The following GAP43 variants were observed in gnomAD, a reference collection of about 807,000 sequenced individuals.
GAP43 encodes the protein growth associated protein 43, also known as neuromodulin.
Under a neutral mutation model 18.6 loss-of-function variants are expected in GAP43, and 6 were observed. The observed-to-expected ratio is 0.32, with a 90% CI of 0.18 to 0.64. GAP43 has a LOEUF of 0.64. Ranked by LOEUF, GAP43 falls within the 30% of genes least tolerant of loss-of-function variation. The pLI is 0.78. For missense variants in GAP43, 292 were observed against 295.5 expected, an observed-to-expected ratio of 0.99 and a Z score of 0.09; for synonymous variants, 115 against 111.4, an observed-to-expected ratio of 1.03 and a Z score of -0.20.
chr3:115,679,507 C>T (rs749216448), intron 2 of GAP43, among the ~76,000 whole-genome samples: 2 of 152,126 alleles, frequency 1.3e-5, no homozygotes, highest in Admixed American at 1.3e-4. Flanking sequence ...AACATTTCAG[C>T]GCACCTCTGA....
At chr3:115,655,335 C>A (rs2107477514) in intron 1 of GAP43, among the ~76,000 whole-genome samples, 1 of 152,288 alleles carries the variant, frequency 6.6e-6, no homozygotes, top group South Asian at 2.1e-4. Context: ...TAGATGAAAT[C>A]CTTTCTGCTA....
chr3:115,646,571 G>C (rs1708459914), intron 1 of GAP43, among the ~76,000 whole-genome samples: 1 of 152,046 alleles, frequency 6.6e-6, no homozygotes, highest in Non-Finnish European at 1.5e-5. Flanking sequence ...AAGAGAAAAA[G>C]AGAGAGAACT....
chr3:115,667,098 G>T (rs752911896), intron 1 of GAP43, among the ~76,000 whole-genome samples: 2 of 152,054 alleles, frequency 1.3e-5, no homozygotes, highest in Non-Finnish European at 2.9e-5. Flanking sequence ...ACACAGTATG[G>T]CATGTGGTCA....
chr3:115,676,286 G>A lies in GAP43; in HGVS notation c.304G>A (p.Gly102Ser), dbSNP rs538165830. 1.5e-5 allele frequency: 25 copies of A among 1,614,124 alleles called. No homozygotes were observed. Among genetic ancestry groups the A allele is most frequent in the Middle Eastern group, 3.3e-4 (2 of 6,060 alleles). Reference sequence around the variant, plus strand: ...CACTGGCTCCAAGCCTGATGAGCCCGGCAAAGCAGGAGAAACTCCTTCCGA... The same window carrying A: ...CACTGGCTCCAAGCCTGATGAGCCCAGCAAAGCAGGAGAAACTCCTTCCGA... ...PATGSKPDEPGKAGETPSEEK... is the reference protein window; with the variant it reads ...PATGSKPDEPSKAGETPSEEK... The change falls in exon 2 of 3, where the codon GGC (glycine) becomes AGC (serine). Residue 102 changes from glycine (G) to serine (S), a missense_variant. Transcript: ENST00000305124.
At chr3:115,697,846 T>G (rs892961798) in intron 2 of GAP43, among the ~76,000 whole-genome samples, 6 of 150,784 alleles carry the variant, frequency 4.0e-5, no homozygotes, top group Non-Finnish European at 7.4e-5. Context: ...TAACTCAGCA[T>G]TTAGCTATTA....
intron 2 of GAP43, among the ~76,000 whole-genome samples, chr3:115,698,180 A>AT (rs1445523929): frequency 7.4e-3 from 267 of 35,960 alleles, no homozygotes; most frequent in Non-Finnish European, 0.011. Context: ...ATTAAATAAT[A>AT]TATATATTAA....
intron 1 of GAP43, among the ~76,000 whole-genome samples, chr3:115,652,564 T>G (rs1034331764): frequency 4.6e-5 from 7 of 151,776 alleles, no homozygotes; most frequent in African/African-American, 1.7e-4. Context: ...TTTAAAAACT[T>G]TTTTGTAGAG....
intron 1 of GAP43, among the ~76,000 whole-genome samples, chr3:115,653,112 CAG>C (rs1708541710): frequency 6.6e-6 from 1 of 152,172 alleles, no homozygotes; most frequent in African/African-American, 2.4e-5. Flanking sequence ...ATACTGACAA[CAG>C]GGCATATAAA....
intron 1 of GAP43, among the ~76,000 whole-genome samples, chr3:115,650,132 G>A (rs1489917737): frequency 6.6e-6 from 1 of 152,104 alleles, no homozygotes; most frequent in Non-Finnish European, 1.5e-5. Context: ...CCTTGTTGGA[G>A]GTGGATCCAT....
chr3:115,654,743 A>T (rs145013108), intron 1 of GAP43, among the ~76,000 whole-genome samples: 1 of 152,218 alleles, frequency 6.6e-6, no homozygotes, highest in Middle Eastern at 3.2e-3. Context: ...TATAAACAGC[A>T]TCATGATAAT....
At chr3:115,717,913 G>T (rs1186020459) in intron 2 of GAP43, among the ~76,000 whole-genome samples, 1 of 152,120 alleles carries the variant, frequency 6.6e-6, no homozygotes, top group African/African-American at 2.4e-5. Flanking sequence ...AGAGAAAGTG[G>T]GAGAATTTGG....
chr3:115,670,907 A>G, intron 1 of GAP43, among the ~76,000 whole-genome samples: 1 of 152,238 alleles, frequency 6.6e-6, no homozygotes, highest in Non-Finnish European at 1.5e-5. Flanking sequence ...TGGTTTACTA[A>G]AGATGTTCTC....
At chr3:115,663,433 C>A in intron 1 of GAP43, 1 of 657,150 alleles carries the variant, frequency 1.5e-6, no homozygotes, top group Non-Finnish European at 1.9e-6. Flanking sequence ...TATTAAATAG[C>A]CATAGTTCCT....
At chr3:115,687,839 AC>A (rs1709054179) in intron 2 of GAP43, among the ~76,000 whole-genome samples, 1 of 152,196 alleles carries the variant, frequency 6.6e-6, no homozygotes, top group Non-Finnish European at 1.5e-5. Flanking sequence ...TTAAAACTCA[AC>A]ATAATTCAAA....
intron 2 of GAP43, among the ~76,000 whole-genome samples, chr3:115,705,583 T>C (rs1029698153): frequency 2.0e-5 from 3 of 152,154 alleles, no homozygotes; most frequent in Admixed American, 6.6e-5. Context: ...TTAGATGAGA[T>C]CTAGGGTGAC....
At chr3:115,664,025 G>T in intron 1 of GAP43, 2 of 1,014,588 alleles carry the variant, frequency 2.0e-6, no homozygotes, top group Non-Finnish European at 2.9e-6. Context: ...CTTAACTAAT[G>T]TCCTTCTACT....
chr3:115,684,095 A>G (rs1709002017), intron 2 of GAP43, among the ~76,000 whole-genome samples: 1 of 152,222 alleles, frequency 6.6e-6, no homozygotes, highest in African/African-American at 2.4e-5. Flanking sequence ...TTCTTAAGAT[A>G]TCTTCAGGGG....
chr3:115,656,859 A>G (rs1708590688), intron 1 of GAP43, among the ~76,000 whole-genome samples: 1 of 152,228 alleles, frequency 6.6e-6, no homozygotes, highest in African/African-American at 2.4e-5. Flanking sequence ...TATGTTTGCA[A>G]TGGAAACATA....
At position 115,656,317 on chromosome 3, in the gene GAP43, A is replaced by G. The variant is rs150524577; in HGVS notation, c.31-19696A>G. Among the ~76,000 whole-genome samples, 5 of 152,300 alleles carry G rather than the reference A, an allele frequency of 3.3e-5. No homozygotes were observed. In the East Asian group the frequency reaches 9.6e-4, roughly 29 times the overall value. On this transcript the variant is annotated intron_variant, in intron 1 of 2. Coordinates refer to ENST00000305124, the MANE Select transcript of GAP43 (RefSeq NM_002045.4). ...ATGGGGTAGAAATAGAAAATTCTGAATTGTTTAATATAAAATCAAGGAAGC... is the reference window on the plus strand; with the variant it reads ...ATGGGGTAGAAATAGAAAATTCTGAGTTGTTTAATATAAAATCAAGGAAGC...
Sources: gnomAD v4.1 joint callset for allele counts (sites outside exome capture counted in the v4.1 genomes callset) on GRCh38, gnomAD v4.1.1 for gene constraint, MANE v1.5 for transcripts, NCBI Gene and HGNC (gene_info 2026-07-23, HGNC 2026-07-21) for gene names.